ANK2: variants seen among roughly 807,000 people sequenced by gnomAD.
ANK2 encodes ankyrin 2, also known as ankyrin-2.
In ANK2, 83 loss-of-function variants were observed where a neutral mutation model predicts 360.5. The ratio of observed to expected loss-of-function variants is 0.23; its 90% CI spans 0.19 to 0.28. ANK2 has a LOEUF of 0.28. Among genes scored for constraint, ANK2 ranks in the 10% least tolerant of loss-of-function variants. The pLI is 1.00. For synonymous variants in ANK2, 1,740 were observed against 1,759.5 expected (o/e 0.99, Z 0.28); for missense variants, 4,201 against 4,795.7 (o/e 0.88, Z 3.66).
At chr4:112,979,205 TGTGA>T (rs1247288078) in intron 2 of ANK2, among the ~76,000 whole-genome samples, 4 of 152,080 alleles carry the variant, frequency 2.6e-5, no homozygotes, top group Non-Finnish European at 5.9e-5. Flanking sequence ...GCGAGGGGTG[TGTGA>T]GTGAGTGTGG....
At chr4:113,293,413 A>T in intron 21 of ANK2, 27 bp from the exon 22 acceptor site, 1 of 1,589,106 alleles carries the variant, frequency 6.3e-7, no homozygotes, top group East Asian at 2.2e-5. Flanking sequence ...CTTATTTCTC[A>T]CTCTCTCTCT....
At chr4:112,765,753 CTG>C in the ANK2 span, among the ~76,000 whole-genome samples, 678 of 147,646 alleles carry the variant, frequency 4.6e-3, 2 homozygotes, top group Admixed American at 0.011. Context: ...TTGTCAGGGT[CTG>C]TCTTTCCCCC....
At chr4:112,740,932 G>C in the ANK2 span, among the ~76,000 whole-genome samples, 3 of 151,980 alleles carry the variant, frequency 2.0e-5, no homozygotes, top group Admixed American at 2.0e-4. Context: ...AGAGGTTGCA[G>C]TGAGCCGAGA....
chr4:113,231,161 C>A (rs2099295824), intron 4 of ANK2, among the ~76,000 whole-genome samples: 16 of 151,734 alleles, frequency 1.1e-4, no homozygotes, highest in Admixed American at 1.1e-3. Context: ...AAGCAATTCT[C>A]CTGCCTCAGC....
the ANK2 span, among the ~76,000 whole-genome samples, chr4:112,786,606 A>G: frequency 1.3e-5 from 2 of 151,920 alleles, no homozygotes; most frequent in Non-Finnish European, 2.9e-5. Flanking sequence ...CGTGTTGGCC[A>G]GGATGGTCTG....
intron 2 of ANK2, among the ~76,000 whole-genome samples, chr4:113,175,596 G>A (rs1163642297): frequency 6.6e-6 from 1 of 152,186 alleles, no homozygotes; most frequent in Non-Finnish European, 1.5e-5. Flanking sequence ...ACTAGGTTCT[G>A]TCTTCAATCT....
the ANK2 span, among the ~76,000 whole-genome samples, chr4:112,809,734 T>G: frequency 6.7e-6 from 1 of 149,070 alleles, no homozygotes; most frequent in East Asian, 2.0e-4. Context: ...ATACAACAAC[T>G]GAGGTGGGAG....
chr4:113,328,877 A>G (rs925673674), intron 26 of ANK2, among the ~76,000 whole-genome samples: 8 of 152,236 alleles, frequency 5.3e-5, no homozygotes, highest in Non-Finnish European at 1.2e-4. Context: ...TCATTTATCT[A>G]AAAATAACAT....
chr4:112,781,572 G>A, the ANK2 span, among the ~76,000 whole-genome samples: 6 of 151,976 alleles, frequency 3.9e-5, no homozygotes, highest in Non-Finnish European at 8.8e-5. Context: ...GAAAGAGATT[G>A]TCAATCAATT....
chr4:113,044,431 C>A (rs763993424), intron 2 of ANK2, among the ~76,000 whole-genome samples: 5 of 152,170 alleles, frequency 3.3e-5, no homozygotes, highest in Non-Finnish European at 5.9e-5. Context: ...CAGGTTAGAA[C>A]TAAATCTCAA....
the ANK2 span, among the ~76,000 whole-genome samples, chr4:112,810,755 T>G: frequency 1.3e-5 from 2 of 152,012 alleles, no homozygotes; most frequent in African/African-American, 4.8e-5. Context: ...TTTCACCATG[T>G]TGGCCAGGCT....
At position 113,383,521 on chromosome 4, in the gene ANK2, A is replaced by G. The variant is rs1016374043; in HGVS notation, c.*2050A>G. 6.6e-6 allele frequency: 1 copy of G among 152,368 alleles called. No individual in the cohort carries two copies. The highest frequency in any genetic ancestry group is 2.4e-5 in the African/African-American group (1 of 41,372). The allele number at this position is 152,368 out of a possible 1,614,324, so 9.4% of individuals were successfully genotyped here. On this transcript the variant is annotated 3_prime_UTR_variant, in exon 46 of 46. Coordinates refer to ENST00000357077, the MANE Select transcript of ANK2 (RefSeq NM_001148.6). ...GGTTATTCACCTTTTTTTGATTTTG[A>G]TTTTTGCTGTGTTATCAAAAACTTG...
At chr4:112,779,028 C>T in the ANK2 span, among the ~76,000 whole-genome samples, 1 of 152,152 alleles carries the variant, frequency 6.6e-6, no homozygotes, top group African/African-American at 2.4e-5. Flanking sequence ...TGCAAGTTTA[C>T]TATTAGGTTG....
intron 1 of ANK2, chr4:113,145,589 A>G (rs1230371067): frequency 9.5e-7 from 1 of 1,054,056 alleles, no homozygotes; most frequent in Non-Finnish European, 1.2e-6. Flanking sequence ...CTCCATTGAC[A>G]TGCATAGCTG....
chr4:113,251,257 C>G (rs2046188755), intron 10 of ANK2, among the ~76,000 whole-genome samples: 1 of 152,036 alleles, frequency 6.6e-6, no homozygotes, highest in Admixed American at 6.6e-5. Flanking sequence ...TGTCATGTCA[C>G]TAATGAAGAT....
intron 10 of ANK2, among the ~76,000 whole-genome samples, chr4:113,252,838 AACACCCAGCC>A (rs1397370928): frequency 1.3e-5 from 2 of 152,206 alleles, no homozygotes; most frequent in African/African-American, 4.8e-5. Flanking sequence ...GGCTACAGGA[AACACCCAGCC>A]ACACTAACTG....
intron 2 of ANK2, among the ~76,000 whole-genome samples, chr4:113,005,918 T>A (rs2052685245): frequency 6.6e-6 from 1 of 152,144 alleles, no homozygotes; most frequent in Non-Finnish European, 1.5e-5. Flanking sequence ...TTTCGCTACA[T>A]GACATGCTGG....
the ANK2 span, among the ~76,000 whole-genome samples, chr4:112,773,950 G>C: frequency 4.9e-4 from 75 of 152,068 alleles, no homozygotes; most frequent in Non-Finnish European, 6.2e-4. Context: ...ACAGGTGCCA[G>C]CCACCATGCC....
intron 2 of ANK2, among the ~76,000 whole-genome samples, chr4:113,040,282 A>T (rs2062638514): frequency 6.6e-6 from 1 of 152,102 alleles, no homozygotes; most frequent in Non-Finnish European, 1.5e-5. Context: ...GCTGATATTT[A>T]TGTAAAATAA....
Sources: allele counts gnomAD v4.1 joint callset (sites outside exome capture counted in the v4.1 genomes callset), GRCh38; gene constraint gnomAD v4.1.1; transcripts MANE v1.5; gene names NCBI Gene and HGNC (gene_info 2026-07-23, HGNC 2026-07-21).